The following EML6 variants were observed in gnomAD, a reference collection of about 807,000 sequenced individuals.
EML6 encodes echinoderm microtubule-associated protein-like 6.
Under a neutral mutation model 240.1 loss-of-function variants are expected in EML6, and 154 were observed. The observed-to-expected ratio is 0.64, with a 90% CI of 0.56 to 0.73. EML6 has a LOEUF of 0.73. Ranked by LOEUF, EML6 falls within the 30% of genes least tolerant of loss-of-function variation. The probability of loss-of-function intolerance (pLI) is 0.00; values close to 1 mark genes in which losing one functional copy is unlikely to be tolerated. For missense variants in EML6, 2,964 were observed against 2,474.6 expected (o/e 1.20, Z -4.20); for synonymous variants, 1,148 against 899.0 (o/e 1.28, Z -4.95).
intron 15 of EML6, among the ~76,000 whole-genome samples, chr2:54,869,645 C>G (rs933892314): frequency 6.6e-6 from 1 of 152,144 alleles, no homozygotes; most frequent in South Asian, 2.1e-4. Context: ...CAAGGAGCAG[C>G]TTTATATACT....
At chr2:54,746,235 C>T (rs1257504333) in intron 2 of EML6, among the ~76,000 whole-genome samples, 3 of 152,146 alleles carry the variant, frequency 2.0e-5, no homozygotes, top group Non-Finnish European at 4.4e-5. Flanking sequence ...CTAATAGGCA[C>T]CTATTCTGGG....
intron 13 of EML6, among the ~76,000 whole-genome samples, chr2:54,865,390 T>C (rs1291960137): frequency 6.6e-6 from 1 of 151,162 alleles, no homozygotes; most frequent in African/African-American, 2.4e-5. Context: ...GGTGGGAGGA[T>C]TGCCTGAGCC....
intron 7 of EML6, among the ~76,000 whole-genome samples, chr2:54,838,915 T>C (rs1342128628): frequency 6.6e-6 from 1 of 152,238 alleles, no homozygotes; most frequent in Non-Finnish European, 1.5e-5. Context: ...TCTGTGGTTT[T>C]AAATAATGAG....
chr2:54,849,730 C>T (rs776615876), intron 9 of EML6, among the ~76,000 whole-genome samples: 37 of 152,322 alleles, frequency 2.4e-4, no homozygotes, highest in Admixed American at 4.6e-4. Flanking sequence ...CCTCGTGATC[C>T]GTCTGCCTCG....
intron 28 of EML6, among the ~76,000 whole-genome samples, chr2:54,932,152 T>A (rs1164428773): frequency 6.6e-6 from 1 of 152,208 alleles, no homozygotes; most frequent in Non-Finnish European, 1.5e-5. Flanking sequence ...TTACAGTTGG[T>A]CTCAAAAGAA....
intron 15 of EML6, 40 bp from the exon 16 acceptor site, chr2:54,871,460 A>G (rs1671251307): frequency 1.4e-6 from 2 of 1,421,838 alleles, no homozygotes. Context: ...TTGTTAGTAT[A>G]ACGTGTTAGT....
At chr2:54,896,749 C>T (rs568485313) in intron 21 of EML6, among the ~76,000 whole-genome samples, 1 of 152,304 alleles carries the variant, frequency 6.6e-6, no homozygotes, top group Non-Finnish European at 1.5e-5. Flanking sequence ...CCAAATCCCA[C>T]TGAGAGGGTC....
At chr2:54,920,270 C>G (rs949368057) in intron 26 of EML6, among the ~76,000 whole-genome samples, 2 of 151,978 alleles carry the variant, frequency 1.3e-5, no homozygotes, top group African/African-American at 2.4e-5. Context: ...AATTGACCAA[C>G]CTTTAGCTAG....
intron 34 of EML6, 75 bp downstream of exon 34, chr2:54,959,336 C>CT: frequency 7.2e-7 from 1 of 1,394,850 alleles, no homozygotes; most frequent in Non-Finnish European, 9.6e-7. Context: ...GTGTTCCCAA[C>CT]TTGGAGAAAA....
chr2:54,874,597 A>C (rs987319431), intron 16 of EML6, among the ~76,000 whole-genome samples: 2 of 152,226 alleles, frequency 1.3e-5, no homozygotes, highest in Non-Finnish European at 2.9e-5. Context: ...GTAGAAAGGA[A>C]TCTGATAGTT....
At chr2:54,842,375 A>C (rs1669507038) in intron 7 of EML6, among the ~76,000 whole-genome samples, 1 of 152,226 alleles carries the variant, frequency 6.6e-6, no homozygotes, top group Non-Finnish European at 1.5e-5. Context: ...AAATACTTCA[A>C]AGTATTATGT....
chr2:54,847,757 G>C (rs912977322), intron 9 of EML6, 134 bp downstream of exon 9: 4 of 811,702 alleles, frequency 4.9e-6, no homozygotes, highest in African/African-American at 2.1e-5. Context: ...ATAGATCTAC[G>C]ATCCCCTATC....
chr2:54,970,023 A>G (rs376487696), intron 41 of EML6, 48 bp from the exon 42 acceptor site: 4 of 1,549,124 alleles, frequency 2.6e-6, no homozygotes, highest in Non-Finnish European at 3.5e-6. Context: ...ACTTGACACA[A>G]GTATGATGTC....
intron 16 of EML6, among the ~76,000 whole-genome samples, chr2:54,872,980 A>G (rs1195053442): frequency 6.6e-6 from 1 of 152,212 alleles, no homozygotes; most frequent in African/African-American, 2.4e-5. Flanking sequence ...ACAGTAAACT[A>G]CTTGGCAGTA....
chr2:54,932,444 G>A (rs902545394), intron 28 of EML6, among the ~76,000 whole-genome samples: 1 of 152,180 alleles, frequency 6.6e-6, no homozygotes, highest in Non-Finnish European at 1.5e-5. Context: ...CAGCCGACTT[G>A]ACGCTAATTC....
intron 15 of EML6, 26 bp downstream of exon 15, chr2:54,869,393 C>G: frequency 5.4e-6 from 8 of 1,469,968 alleles, no homozygotes; most frequent in Non-Finnish European, 7.3e-6. Flanking sequence ...AAACTAGGGC[C>G]TAGCCAAAAA....
intron 17 of EML6, among the ~76,000 whole-genome samples, chr2:54,890,432 A>G (rs1400736815): frequency 2.0e-5 from 3 of 152,210 alleles, no homozygotes; most frequent in East Asian, 1.9e-4. Flanking sequence ...GCCCAGGTCT[A>G]CAATGGAACT....
At chr2:54,733,973 A>T (rs1244175937) in intron 2 of EML6, among the ~76,000 whole-genome samples, 1 of 152,226 alleles carries the variant, frequency 6.6e-6, no homozygotes, top group Non-Finnish European at 1.5e-5. Context: ...AGAAAAGGAC[A>T]GTGATGAGAA....
rs985315906 is a variant in EML6 at position 54,889,469 on chromosome 2, C to G, written c.2439-1585C>G. 6.7e-5 allele frequency among the ~76,000 whole-genome samples: 6 copies of G among 89,476 alleles called. 1 individual carries two copies. The highest frequency in any genetic ancestry group is 2.5e-4 in the African/African-American group (6 of 23,684). 58.7% of individuals were successfully genotyped at this position (89,476 alleles called of 152,430 possible). On this transcript the variant is annotated intron_variant, in intron 17 of 41. Transcript: ENST00000356458. ...GTTTTTTAAAGTCTGCCTTTTTAAT[C>G]TTACTTATCAGGTCTTTTTTTCTCT... is the stretch of plus-strand genomic sequence containing the variant.
Sources: allele counts gnomAD v4.1 joint callset (sites outside exome capture counted in the v4.1 genomes callset), GRCh38; gene constraint gnomAD v4.1.1; transcripts MANE v1.5; gene names NCBI Gene and HGNC (gene_info 2026-07-23, HGNC 2026-07-21).